CSMD1: variants seen among roughly 807,000 people sequenced by gnomAD.
CSMD1 encodes CUB and Sushi multiple domains 1.
In CSMD1, 213 loss-of-function variants were observed where a neutral mutation model predicts 417.5. The observed-to-expected ratio is 0.51, with a 90% CI of 0.46 to 0.57. The LOEUF (loss-of-function observed/expected upper bound fraction) is 0.57, where lower values mean the gene tolerates loss of function less well. Among genes scored for constraint, CSMD1 ranks in the 20% least tolerant of loss-of-function variants. CSMD1 has a pLI of 0.00. For missense variants in CSMD1, 6,923 were observed against 4,529.7 expected, an observed-to-expected ratio of 1.53 and a Z score of -15.17; for synonymous variants, 2,862 against 1,736.8, an observed-to-expected ratio of 1.65 and a Z score of -16.11.
chr8:3,877,146 A>T (rs150033395), intron 5 of CSMD1, among the ~76,000 whole-genome samples: 1 of 152,280 alleles, frequency 6.6e-6, no homozygotes, highest in African/African-American at 2.4e-5. Flanking sequence ...CACTTTCCCC[A>T]TCCCTTCCTC....
Position 3,199,801 on chromosome 8 carries a change from A to G in CSMD1, c.5107T>C (p.Leu1703=). The part of the protein sequence containing the change: ...SLSGSHSGET[L]PLATSNQILL... ...ATTTGATTTGACGTAGCCAAGGGCA[A>G]TGTTTCCCCTAGAAACGAAAACAGA... The change falls in exon 33 of 70, where the codon TTG becomes CTG. Residue 1703 remains leucine (L), a synonymous_variant. Transcript: ENST00000635120. The G allele has an allele frequency of 6.4e-7, 1 of 1,570,824 alleles. No homozygotes were observed. The highest frequency in any genetic ancestry group is 8.6e-7 in the Non-Finnish European group (1 of 1,156,942).
intron 26 of CSMD1, among the ~76,000 whole-genome samples, chr8:3,275,257 A>C (rs1036482431): frequency 8.5e-5 from 13 of 152,256 alleles, no homozygotes; most frequent in South Asian, 4.2e-4. Flanking sequence ...AATATTGGCC[A>C]CCGCTCTCTT....
rs777409605 is a variant in CSMD1, at chr8:3,409,616, A to G, written c.1562-11T>C. 5.7e-6 allele frequency: 9 copies of G among 1,567,514 alleles called. No individual in the cohort carries two copies. Among genetic ancestry groups the G allele is most frequent in the Middle Eastern group, 1.8e-4 (1 of 5,700 alleles). Reference sequence around the variant, plus strand: ...CTCCCTTTTCAATTTCTGAAAATGGAAAAACAAATGAACCCTTAAAAAAAC... The same window carrying G: ...CTCCCTTTTCAATTTCTGAAAATGGGAAAACAAATGAACCCTTAAAAAAAC... On this transcript the variant is annotated splice_polypyrimidine_tract_variant and intron_variant, in intron 12 of 69. Transcript: ENST00000635120.
intron 1 of CSMD1, among the ~76,000 whole-genome samples, chr8:4,641,205 A>G (rs909524116): frequency 6.6e-6 from 1 of 151,970 alleles, no homozygotes; most frequent in Non-Finnish European, 1.5e-5. Context: ...TTTTGCTGCT[A>G]TAATTCAAAC....
chr8:3,616,522 C>G (rs1314516641), intron 8 of CSMD1, among the ~76,000 whole-genome samples, 188 bp downstream of exon 8: 3 of 152,040 alleles, frequency 2.0e-5, no homozygotes, highest in Non-Finnish European at 4.4e-5. Flanking sequence ...TAATACAGAA[C>G]TTTTAACAGA....
At chr8:3,588,812 A>G (rs2117013261) in intron 8 of CSMD1, among the ~76,000 whole-genome samples, 1 of 152,282 alleles carries the variant, frequency 6.6e-6, no homozygotes, top group Admixed American at 6.5e-5. Context: ...ATGGGAGAAG[A>G]TGCTGGAGAA....
intron 2 of CSMD1, among the ~76,000 whole-genome samples, chr8:4,496,651 G>A (rs1277871054): frequency 6.6e-6 from 1 of 151,724 alleles, no homozygotes; most frequent in Admixed American, 6.6e-5. Context: ...AGCTCCTTTT[G>A]GTCTCCCCCT....
intron 2 of CSMD1, among the ~76,000 whole-genome samples, chr8:4,565,554 G>C (rs1798554971): frequency 1.3e-5 from 2 of 151,796 alleles, no homozygotes; most frequent in African/African-American, 4.8e-5. Context: ...GGCCAACATG[G>C]TGAAACCCTG....
At chr8:4,074,088 A>G (rs896963492) in intron 3 of CSMD1, among the ~76,000 whole-genome samples, 47 of 152,110 alleles carry the variant, frequency 3.1e-4, no homozygotes, top group African/African-American at 1.1e-3. Context: ...AAATTTTGTA[A>G]TATAATTTAT....
rs910308741 is a variant in CSMD1, at chr8:4,788,571, G to T, written c.86-151013C>A. On this transcript the variant is annotated intron_variant, in intron 1 of 69. Transcript: ENST00000635120. Reference sequence around the variant, plus strand: ...TTGAAGCAGGCTGACAAGAAAATCAGAGAATGTAATTTATAAGAAACAATG... The same window carrying T: ...TTGAAGCAGGCTGACAAGAAAATCATAGAATGTAATTTATAAGAAACAATG... The T allele has an allele frequency of 3.7e-6, 5 of 1,337,290 alleles. No homozygotes were observed. In the African/African-American group the frequency reaches 5.9e-5, roughly 16 times the overall value. 82.8% of individuals were successfully genotyped at this position (1,337,290 alleles called of 1,614,324 possible). A position where few individuals can be genotyped will look rare whatever the true frequency, so the allele number is the denominator to read the frequency against.
intron 9 of CSMD1, 112 bp downstream of exon 9, chr8:3,586,024 C>T (rs1220157538): frequency 9.0e-7 from 1 of 1,116,148 alleles, no homozygotes; most frequent in Non-Finnish European, 1.2e-6. Context: ...TACATTACTA[C>T]CGAATTCTAC....
chr8:4,887,467 C>T (rs1430360770), intron 1 of CSMD1, among the ~76,000 whole-genome samples: 3 of 151,884 alleles, frequency 2.0e-5, no homozygotes, highest in South Asian at 2.1e-4. Flanking sequence ...CTTTTACAAA[C>T]GTTTTTGTTA....
chr8:4,946,956 A>G (rs1808411497), intron 1 of CSMD1, among the ~76,000 whole-genome samples: 2 of 152,172 alleles, frequency 1.3e-5, no homozygotes, highest in South Asian at 2.1e-4. Context: ...CACTTTCTTC[A>G]TATATATTAT....
intron 3 of CSMD1, among the ~76,000 whole-genome samples, chr8:4,123,468 G>A (rs946434293): frequency 3.9e-5 from 6 of 152,148 alleles, no homozygotes; most frequent in Non-Finnish European, 8.8e-5. Flanking sequence ...ATTATTGTGG[G>A]TAAATCAGTG....
At chr8:4,677,046 A>G (rs1288269805) in intron 1 of CSMD1, among the ~76,000 whole-genome samples, 4 of 145,192 alleles carry the variant, frequency 2.8e-5, no homozygotes, top group East Asian at 3.9e-4. Flanking sequence ...AGAGAATTAT[A>G]TATATAGAAT....
chr8:3,560,494 G>T (rs958684638), intron 10 of CSMD1, among the ~76,000 whole-genome samples: 2 of 152,106 alleles, frequency 1.3e-5, no homozygotes, highest in African/African-American at 4.8e-5. Flanking sequence ...CTGTATTAGT[G>T]CCCTAGAAGA....
At position 2,997,947 on chromosome 8, in the gene CSMD1, G is replaced by A. The variant is rs1308588610; in HGVS notation, c.8377+64C>T. Reference sequence around the variant, plus strand: ...TGATTCATGGAGACAGGCTCTTGATGGTGTTACTGGGCAGCCTAGAACACT... The same window carrying A: ...TGATTCATGGAGACAGGCTCTTGATAGTGTTACTGGGCAGCCTAGAACACT... On this transcript the variant is annotated intron_variant, in intron 54 of 69. Coordinates refer to ENST00000635120, the MANE Select transcript of CSMD1 (RefSeq NM_033225.6). The A allele has an allele frequency of 3.4e-6, 5 of 1,463,192 alleles. No homozygotes were observed. The East Asian group carries it at 1.2e-4, about 34-fold the overall frequency. The allele number at this position is 1,463,192 out of a possible 1,614,324, so 90.6% of individuals were successfully genotyped here.
At chr8:3,750,039 G>A (rs762656326) in intron 6 of CSMD1, among the ~76,000 whole-genome samples, 1 of 152,018 alleles carries the variant, frequency 6.6e-6, no homozygotes, top group Admixed American at 6.5e-5. Flanking sequence ...AGTCATTATT[G>A]AGTTCTTTAT....
chr8:4,032,060 A>T lies in CSMD1; in HGVS notation c.455T>A (p.Leu152Gln). The T allele has an allele frequency of 3.1e-6, 5 of 1,613,646 alleles. No homozygotes were observed. Among genetic ancestry groups the T allele is most frequent in the Non-Finnish European group, 4.2e-6 (5 of 1,179,650 alleles). The stretch of plus-strand genomic sequence containing the variant: ...TCTCGTTCCATGCAGAACTCCTTTC[A>T]GGATTTCTCCAGGATTTCCACAAGT... Reference protein sequence around the residue: ...SHTCGNPGEILKGVLHGTRFN... With the variant: ...SHTCGNPGEIQKGVLHGTRFN... Residue 152 changes from leucine (L) to glutamine (Q), a missense_variant, in exon 4 of 70, where the codon CTG (leucine) becomes CAG (glutamine). Transcript: ENST00000635120.
Sources: gnomAD v4.1 joint callset for allele counts (sites outside exome capture counted in the v4.1 genomes callset) on GRCh38, gnomAD v4.1.1 for gene constraint, MANE v1.5 for transcripts, NCBI Gene and HGNC (gene_info 2026-07-23, HGNC 2026-07-21) for gene names.